The following SCN8A variants were observed in gnomAD, a reference collection of about 807,000 sequenced individuals.
SCN8A encodes the protein sodium voltage-gated channel alpha subunit 8.
SCN8A carries 30 observed loss-of-function variants against 184.1 expected under a neutral mutation model. The ratio of observed to expected loss-of-function variants is 0.16; its 90% confidence interval spans 0.12 to 0.22. The LOEUF is 0.22. Ranked by LOEUF, SCN8A falls within the 10% of genes least tolerant of loss-of-function variation. The probability of loss-of-function intolerance (pLI) is 1.00; values close to 1 mark genes in which losing one functional copy is unlikely to be tolerated. For missense variants in SCN8A, 1,057 were observed against 2,498.9 expected (o/e 0.42, Z 12.30); for synonymous variants, 852 against 907.0 (o/e 0.94, Z 1.09).
At chr12:51,688,889 G>A in intron 5 of SCN8A, 116 bp from the exon 6 acceptor site, 2 of 1,568,488 alleles carry the variant, frequency 1.3e-6, no homozygotes, top group Non-Finnish European at 1.8e-6. Flanking sequence ...TTGGGATAGG[G>A]CCCTGACGTG....
chr12:51,761,312 A>G (rs1203831623), intron 14 of SCN8A, among the ~76,000 whole-genome samples: 3 of 152,170 alleles, frequency 2.0e-5, no homozygotes, highest in Non-Finnish European at 4.4e-5. Context: ...TTTTACACAC[A>G]ATAAGCTACA....
At chr12:51,797,529 G>C (rs1309983009) in intron 26 of SCN8A, among the ~76,000 whole-genome samples, 1 of 152,128 alleles carries the variant, frequency 6.6e-6, no homozygotes, top group Admixed American at 6.5e-5. Flanking sequence ...AAGCACCACG[G>C]CTGGTTGTGG....
chr12:51,739,474 G>A (rs193102292), intron 12 of SCN8A, among the ~76,000 whole-genome samples: 5 of 152,162 alleles, frequency 3.3e-5, no homozygotes, highest in Admixed American at 1.3e-4. Flanking sequence ...TCCTTCCTTT[G>A]CCACTTTAGC....
intron 2 of SCN8A, among the ~76,000 whole-genome samples, chr12:51,666,404 T>G (rs975475433): frequency 2.0e-5 from 3 of 152,196 alleles, no homozygotes; most frequent in Admixed American, 2.0e-4. Context: ...ATAGCGTATC[T>G]TAACCCCTTC....
chr12:51,750,459 A>G (rs1942578952), intron 13 of SCN8A, among the ~76,000 whole-genome samples: 1 of 152,148 alleles, frequency 6.6e-6, no homozygotes, highest in East Asian at 1.9e-4. Flanking sequence ...AAAGAAGGAG[A>G]CAGGAGGAGA....
chr12:51,730,951 G>A (rs570416125), intron 12 of SCN8A, among the ~76,000 whole-genome samples: 69 of 152,268 alleles, frequency 4.5e-4, no homozygotes, highest in African/African-American at 1.5e-3. Flanking sequence ...ACAGATAAGT[G>A]AGAACATGTG....
At chr12:51,636,701 T>C (rs894303222) in intron 1 of SCN8A, among the ~76,000 whole-genome samples, 2 of 152,242 alleles carry the variant, frequency 1.3e-5, no homozygotes, top group African/African-American at 4.8e-5. Context: ...TACCATTCTT[T>C]CATTTATGCC....
At chr12:51,626,829 T>C (rs1940088963) in intron 1 of SCN8A, among the ~76,000 whole-genome samples, 1 of 150,080 alleles carries the variant, frequency 6.7e-6, no homozygotes, top group African/African-American at 2.4e-5. Context: ...TTTAATTATA[T>C]ATTCTATTAT....
intron 11 of SCN8A, among the ~76,000 whole-genome samples, chr12:51,714,754 T>C (rs1291417776): frequency 1.3e-5 from 2 of 152,290 alleles, no homozygotes; most frequent in African/African-American, 2.4e-5. Flanking sequence ...TCCCCTGAGA[T>C]CCCTAGAGAT....
Position 51,684,266 on chromosome 12 carries a change from A to G in SCN8A, c.369A>G (p.Arg123=), listed in dbSNP as rs201765273. The stretch of plus-strand genomic sequence containing the variant: ...TAAGTCCTTTTAACCTGATAAGAAG[A>G]ATAGCTATTAAAATTTTGATACATT... ...YILSPFNLIR[R]IAIKILIHSV... is the part of the protein sequence containing the mutation. The change falls in exon 3 of 27, where the codon AGA becomes AGG. Residue 123 remains arginine, a synonymous_variant. Transcript: ENST00000627620. The G allele has an allele frequency of 2.1e-5, 33 of 1,585,938 alleles. No homozygotes were observed. In the African/African-American group the frequency reaches 4.3e-4, roughly 21 times the overall value.
chr12:51,761,207 A>C (rs1184906734), intron 14 of SCN8A, among the ~76,000 whole-genome samples: 2 of 152,040 alleles, frequency 1.3e-5, no homozygotes, highest in Non-Finnish European at 1.5e-5. Flanking sequence ...CCTGCATATC[A>C]CCTCCTAATG....
rs192541919 is a variant in SCN8A at position 51,605,701 on chromosome 12, G to A, written c.-55+14342G>A. Reference sequence around the variant, plus strand: ...TTCCATAGCAGCTGTACTAGTTTACGTTCCCACCAGCAATGTAGAAGTGTT... The same window carrying A: ...TTCCATAGCAGCTGTACTAGTTTACATTCCCACCAGCAATGTAGAAGTGTT... On this transcript the variant is annotated intron_variant, in intron 1 of 26. Coordinates refer to ENST00000627620, the MANE Select transcript of SCN8A (RefSeq NM_001330260.2). 4.8e-3 allele frequency among the ~76,000 whole-genome samples: 737 copies of A among 152,188 alleles called. 10 individuals carry two copies. Among genetic ancestry groups the A allele is most frequent in the African/African-American group, 0.017 (705 of 41,516 alleles).
intron 1 of SCN8A, among the ~76,000 whole-genome samples, chr12:51,661,368 C>CATA (rs1940921817): frequency 1.3e-5 from 2 of 152,122 alleles, no homozygotes; most frequent in Non-Finnish European, 2.9e-5. Context: ...CCTCTTTAGC[C>CATA]CCCTGCTGTG....
rs536183458 is a variant in SCN8A at position 51,600,296 on chromosome 12, C to T, written c.-55+8937C>T. On this transcript the variant is annotated intron_variant, in intron 1 of 26. Coordinates refer to ENST00000627620, the MANE Select transcript of SCN8A (RefSeq NM_001330260.2). ...TTTGGAGGATAAAGGAACAAGAATT[C>T]TATACCTTTTTATAGACTTGGTAAA... Among the ~76,000 whole-genome samples, 79 of 152,294 alleles carry T rather than the reference C, an allele frequency of 5.2e-4. 1 individual carries two copies. Among genetic ancestry groups the T allele is most frequent in the South Asian group, 5.0e-3 (24 of 4,822 alleles).
chr12:51,610,479 T>G (rs1939698844), intron 1 of SCN8A, among the ~76,000 whole-genome samples: 2 of 152,176 alleles, frequency 1.3e-5, no homozygotes, highest in Non-Finnish European at 2.9e-5. Flanking sequence ...TATTTTTGTT[T>G]TATAGGTCCT....
chr12:51,793,358 G>A (rs1053065706), intron 25 of SCN8A, among the ~76,000 whole-genome samples: 2 of 152,146 alleles, frequency 1.3e-5, no homozygotes, highest in South Asian at 2.1e-4. Flanking sequence ...AGCTGGGTGA[G>A]GGGCAGGGAA....
chr12:51,617,510 C>T (rs990803309), intron 1 of SCN8A, among the ~76,000 whole-genome samples: 10 of 152,070 alleles, frequency 6.6e-5, no homozygotes, highest in African/African-American at 2.2e-4. Context: ...CCATTTATTT[C>T]AAGACTGTTT....
At chr12:51,614,875 A>C (rs1263282467) in intron 1 of SCN8A, among the ~76,000 whole-genome samples, 2 of 151,284 alleles carry the variant, frequency 1.3e-5, no homozygotes, top group Non-Finnish European at 2.9e-5. Flanking sequence ...ATTTTACATG[A>C]GATGTACCCT....
chr12:51,649,263 C>T (rs939874582), intron 1 of SCN8A, among the ~76,000 whole-genome samples: 26 of 152,158 alleles, frequency 1.7e-4, no homozygotes, highest in African/African-American at 6.0e-4. Context: ...AGGCTGGCAT[C>T]GTGTGTCTGT....
Sources: gnomAD v4.1 joint callset for allele counts (sites outside exome capture counted in the v4.1 genomes callset) on GRCh38, gnomAD v4.1.1 for gene constraint, MANE v1.5 for transcripts, NCBI Gene and HGNC (gene_info 2026-07-23, HGNC 2026-07-21) for gene names.